The following GABPB2 variants were observed in gnomAD, a reference collection of about 807,000 sequenced individuals.
GABPB2 encodes the protein GA-binding protein subunit beta-2.
In GABPB2, 23 loss-of-function variants were observed where a neutral mutation model predicts 39.1. That is an observed-to-expected ratio of 0.59 (90% CI 0.42 to 0.83). The LOEUF (loss-of-function observed/expected upper bound fraction) is 0.83, where lower values mean the gene tolerates loss of function less well. GABPB2 is among the 40% of genes least tolerant of loss of function. The pLI is 0.00. For missense variants in GABPB2, 467 were observed against 541.1 expected (o/e 0.86, Z 1.36); for synonymous variants, 184 against 199.3 (o/e 0.92, Z 0.65).
intron 2 of GABPB2, 71 bp from the exon 3 acceptor site, chr1:151,090,335 T>G (rs1198286160): frequency 1.5e-6 from 2 of 1,367,500 alleles, no homozygotes; most frequent in Non-Finnish European, 2.0e-6. Context: ...AGCTTGTTCA[T>G]TTGTATCTCT....
intron 1 of GABPB2, among the ~76,000 whole-genome samples, chr1:151,074,386 C>G (rs181439315): frequency 6.6e-6 from 1 of 150,742 alleles, no homozygotes; most frequent in Non-Finnish European, 1.5e-5. Flanking sequence ...TCACGGCTCA[C>G]TGCAAGCTCC....
chr1:151,083,644 A>G (rs967122046), intron 1 of GABPB2, among the ~76,000 whole-genome samples: 22 of 145,486 alleles, frequency 1.5e-4, no homozygotes, highest in African/African-American at 3.5e-4. Context: ...TATAGAGAGA[A>G]AAAAAAAAAA....
At chr1:151,104,882 CTCTCTCTTTCTCTCTT>C (rs1289113871) in intron 6 of GABPB2, among the ~76,000 whole-genome samples, 6 of 149,836 alleles carry the variant, frequency 4.0e-5, no homozygotes, top group East Asian at 4.0e-4. Context: ...CCCTCTCTCT[CTCTCTCTTTCTCTCTT>C]TCTCTCTTTC....
rs1040471077 is a variant in GABPB2, at chr1:151,122,671, TGA to T, written c.*4416_*4417del. ...AGAATGTCCATCCAACATGCCCTTCTGACTATACAGTCACCACTTTTTTGGGG... is the reference window on the plus strand; with the variant it reads ...AGAATGTCCATCCAACATGCCCTTCTCTATACAGTCACCACTTTTTTGGGG... On this transcript the variant is annotated 3_prime_UTR_variant, in exon 9 of 9. Transcript: ENST00000368918. 6.6e-6 allele frequency: 1 copy of T among 152,174 alleles called. No homozygotes were observed. Among genetic ancestry groups the T allele is most frequent in the Non-Finnish European group, 1.5e-5 (1 of 68,034 alleles). The allele number at this position is 152,174 out of a possible 1,614,324, so 9.4% of individuals were successfully genotyped here.
chr1:151,110,063 T>A (rs1339701761), intron 7 of GABPB2, among the ~76,000 whole-genome samples: 1 of 137,108 alleles, frequency 7.3e-6, no homozygotes, highest in Non-Finnish European at 1.5e-5. Flanking sequence ...GGTTTCGCCA[T>A]GTTGGCCAGG....
intron 4 of GABPB2, among the ~76,000 whole-genome samples, chr1:151,094,188 A>G (rs916977290): frequency 6.6e-6 from 1 of 151,102 alleles, no homozygotes; most frequent in Non-Finnish European, 1.5e-5. Flanking sequence ...AGCAGCTGGG[A>G]CAATAGCCAC....
chr1:151,075,326 A>T (rs1285366273), intron 1 of GABPB2, among the ~76,000 whole-genome samples: 1 of 151,938 alleles, frequency 6.6e-6, no homozygotes, highest in Non-Finnish European at 1.5e-5. Context: ...GCACTTTGGG[A>T]GGCCCAGGAG....
rs61358666 is a variant in GABPB2, at chr1:151,118,803, CTTTT to C, written c.*561_*564del. The C allele has an allele frequency of 4.2e-5, 6 of 142,470 alleles. No individual in the cohort carries two copies. Among genetic ancestry groups the C allele is most frequent in the Non-Finnish European group, 7.7e-5 (5 of 65,146 alleles). 8.8% of individuals were successfully genotyped at this position (142,470 alleles called of 1,614,324 possible). A position where few individuals can be genotyped will look rare whatever the true frequency, so the allele number is the denominator to read the frequency against. Reference sequence around the variant, plus strand: ...TTAATTTCACTGAAGAGAATTTTCCCTTTTTTTTTTTTTTTTTGAGACACGGTCT... The same window carrying C: ...TTAATTTCACTGAAGAGAATTTTCCCTTTTTTTTTTTTTGAGACACGGTCT... On this transcript the variant is annotated 3_prime_UTR_variant, in exon 9 of 9. Transcript: ENST00000368918.
intron 5 of GABPB2, among the ~76,000 whole-genome samples, chr1:151,099,554 C>T (rs1466715626): frequency 6.6e-6 from 1 of 152,180 alleles, no homozygotes; most frequent in African/African-American, 2.4e-5. Context: ...CTTGTGTCCT[C>T]ATTTAAATAA....
chr1:151,106,692 A>T (rs587664575), intron 6 of GABPB2, among the ~76,000 whole-genome samples: 1 of 152,228 alleles, frequency 6.6e-6, no homozygotes, highest in Admixed American at 6.5e-5. Context: ...GAAAATCACA[A>T]TGTTTATTAG....
At chr1:151,080,022 C>T (rs746952692) in intron 1 of GABPB2, among the ~76,000 whole-genome samples, 72 of 151,920 alleles carry the variant, frequency 4.7e-4, no homozygotes, top group Non-Finnish European at 7.5e-4. Context: ...CAAGACCAGC[C>T]TGGCCAAGGT....
At chr1:151,083,914 T>C (rs959350428) in intron 1 of GABPB2, among the ~76,000 whole-genome samples, 1 of 150,486 alleles carries the variant, frequency 6.6e-6, no homozygotes, top group Non-Finnish European at 1.5e-5. Flanking sequence ...CTAATTTTTG[T>C]ATTTTTAGTA....
intron 5 of GABPB2, among the ~76,000 whole-genome samples, chr1:151,101,593 AAAAAG>A (rs145132359): frequency 0.024 from 3,684 of 152,158 alleles, 101 homozygotes; most frequent in African/African-American, 0.073. Flanking sequence ...AAGAAAAAGA[AAAAAG>A]AAAAGAATAC....
intron 7 of GABPB2, among the ~76,000 whole-genome samples, chr1:151,114,345 A>G (rs1680690361): frequency 7.1e-6 from 1 of 140,608 alleles, no homozygotes; most frequent in African/African-American, 2.9e-5. Flanking sequence ...TCTGTCTCAT[A>G]ATAAATAAAT....
At chr1:151,092,166 G>A (rs934890569) in intron 3 of GABPB2, among the ~76,000 whole-genome samples, 1 of 146,888 alleles carries the variant, frequency 6.8e-6, no homozygotes, top group South Asian at 2.2e-4. Flanking sequence ...GAGTGCAGTG[G>A]CGCAATACTG....
intron 1 of GABPB2, among the ~76,000 whole-genome samples, chr1:151,084,413 A>G (rs1450852730): frequency 2.0e-5 from 3 of 148,486 alleles, no homozygotes; most frequent in Non-Finnish European, 4.4e-5. Flanking sequence ...TTTAGTAGAG[A>G]TGGGATTTCT....
At chr1:151,111,761 C>T (rs1246227260) in intron 7 of GABPB2, among the ~76,000 whole-genome samples, 1 of 150,816 alleles carries the variant, frequency 6.6e-6, no homozygotes, top group Non-Finnish European at 1.5e-5. Flanking sequence ...GTCTCGAACT[C>T]CTGACCTTGT....
chr1:151,113,533 C>T (rs1680633621), intron 7 of GABPB2, among the ~76,000 whole-genome samples: 1 of 148,896 alleles, frequency 6.7e-6, no homozygotes, highest in African/African-American at 2.5e-5. Context: ...GCCAAATCTT[C>T]TGTTTTAAAA....
At chr1:151,088,379 G>C in intron 2 of GABPB2, 82 bp downstream of exon 2, 1 of 1,328,792 alleles carries the variant, frequency 7.5e-7, no homozygotes, top group South Asian at 1.3e-5. Context: ...CAGACTATTG[G>C]TTTTTCTTCA....
Sources: gnomAD v4.1 joint callset for allele counts (sites outside exome capture counted in the v4.1 genomes callset) on GRCh38, gnomAD v4.1.1 for gene constraint, MANE v1.5 for transcripts, NCBI Gene and HGNC (gene_info 2026-07-23, HGNC 2026-07-21) for gene names.